Variants in TEC observed in about 807,000 individuals in gnomAD.
TEC encodes the protein tec protein tyrosine kinase, also known as tyrosine-protein kinase Tec.
TEC carries 72 observed loss-of-function variants against 93.0 expected under a neutral mutation model. The observed-to-expected ratio is 0.77, with a 90% confidence interval of 0.64 to 0.94. The LOEUF is 0.94. TEC is among the 40% of genes least tolerant of loss of function. TEC has a pLI of 0.00. For missense variants in TEC, 630 were observed against 757.9 expected (o/e 0.83, Z 1.98); for synonymous variants, 249 against 247.7 (o/e 1.01, Z -0.05).
chr4:48,164,549 T>A (rs1212465454), intron 7 of TEC, among the ~76,000 whole-genome samples: 1 of 124,110 alleles, frequency 8.1e-6, no homozygotes, highest in Non-Finnish European at 1.7e-5. Flanking sequence ...TAAGAACTCA[T>A]AATACACACA....
intron 2 of TEC, among the ~76,000 whole-genome samples, chr4:48,196,515 G>A (rs747656313): frequency 1.3e-5 from 2 of 152,202 alleles, no homozygotes; most frequent in Non-Finnish European, 2.9e-5. Context: ...AACAGTTTAA[G>A]TGCTTGATCA....
At chr4:48,261,918 C>G (rs1359499815) in intron 1 of TEC, among the ~76,000 whole-genome samples, 1 of 152,076 alleles carries the variant, frequency 6.6e-6, no homozygotes, top group Non-Finnish European at 1.5e-5. Context: ...CCTCCCTCCT[C>G]CAAAAGCCAT....
intron 1 of TEC, among the ~76,000 whole-genome samples, chr4:48,233,391 C>T (rs1229425411): frequency 1.3e-4 from 19 of 149,832 alleles, no homozygotes; most frequent in South Asian, 1.1e-3. Flanking sequence ...TTGCCCAGGC[C>T]GGACTCAAAT....
chr4:48,149,410 T>TC, intron 11 of TEC, 147 bp downstream of exon 11: 1 of 783,708 alleles, frequency 1.3e-6, no homozygotes. Flanking sequence ...TTTGTATATA[T>TC]CATTCCTTTA....
chr4:48,152,167 T>A lies in TEC; in HGVS notation c.793-1225A>T, dbSNP rs556612256. Among the ~76,000 whole-genome samples the A allele has an allele frequency of 7.2e-5, 11 of 152,274 alleles. No homozygotes were observed. In the South Asian group the frequency reaches 2.1e-3, roughly 29 times the overall value. ...GAGGCCGGACACAGCGGCTCATACC[T>A]GTAATCCCAGCACCTTGGGAGGCCG... On this transcript the variant is annotated intron_variant, in intron 9 of 17. Coordinates refer to ENST00000381501, the MANE Select transcript of TEC (RefSeq NM_003215.3).
chr4:48,151,082 ACCAGTAGGG>A lies in TEC; in HGVS notation c.793-149_793-141del, dbSNP rs1720145492. ...AAAATGCTTTGAAGAAGCACAACTT[ACCAGTAGGG>A]CCCCTTGGTTTCTCCCACCCACATG... On this transcript the variant is annotated intron_variant, in intron 9 of 17. Coordinates refer to ENST00000381501, the MANE Select transcript of TEC (RefSeq NM_003215.3). 2 of 525,810 alleles carry A rather than the reference ACCAGTAGGG, an allele frequency of 3.8e-6. 1 individual carries two copies. The highest frequency in any genetic ancestry group is 6.3e-5 in the East Asian group (2 of 31,962). The allele number at this position is 525,810 out of a possible 1,614,324, so 32.6% of individuals were successfully genotyped here. A position where few individuals can be genotyped will look rare whatever the true frequency, so the allele number is the denominator to read the frequency against.
chr4:48,169,224 G>A (rs1721003404), intron 5 of TEC, among the ~76,000 whole-genome samples: 1 of 152,028 alleles, frequency 6.6e-6, no homozygotes, highest in South Asian at 2.1e-4. Context: ...ACCACTGCAG[G>A]AATACCCCCA....
At chr4:48,174,192 C>A (rs1024142806) in intron 3 of TEC, among the ~76,000 whole-genome samples, 1 of 152,064 alleles carries the variant, frequency 6.6e-6, no homozygotes, top group African/African-American at 2.4e-5. Flanking sequence ...TTTAGTAGTT[C>A]AGGGATGGAA....
In TEC at chr4:48,149,578, A is replaced by G. The variant is rs1720069933; in HGVS notation, c.985T>C (p.Tyr329His). Residue 329 changes from tyrosine to histidine, a missense_variant, in exon 11 of 18, where the codon TAT (tyrosine) becomes CAT (histidine). Coordinates refer to ENST00000381501, the MANE Select transcript of TEC (RefSeq NM_003215.3). Reference protein sequence around the residue: ...AFGSIPEIIEYHKHNAAGLVT... With the variant: ...AFGSIPEIIEHHKHNAAGLVT... ...TTACCTGCTGCATTGTGCTTATGAT[A>G]TTCAATAATCTCAGGAATGGAGCCA... 6.2e-7 allele frequency: 1 copy of G among 1,610,672 alleles called. No homozygotes were observed. Among genetic ancestry groups the G allele is most frequent in the East Asian group, 2.2e-5 (1 of 44,640 alleles).
intron 9 of TEC, among the ~76,000 whole-genome samples, 179 bp from the exon 10 acceptor site, chr4:48,151,121 T>C (rs546417532): frequency 5.3e-5 from 8 of 152,304 alleles, no homozygotes; most frequent in African/African-American, 1.4e-4. Context: ...CACATGACTT[T>C]GTACTTCAAA....
At chr4:48,148,729 C>T (rs1241393197) in intron 11 of TEC, among the ~76,000 whole-genome samples, 2 of 152,112 alleles carry the variant, frequency 1.3e-5, no homozygotes, top group African/African-American at 4.8e-5. Context: ...TATGGGTAAA[C>T]TTGTGTCATG....
intron 11 of TEC, among the ~76,000 whole-genome samples, chr4:48,148,275 T>C (rs1382606643): frequency 1.3e-5 from 2 of 152,146 alleles, no homozygotes; most frequent in Non-Finnish European, 2.9e-5. Flanking sequence ...ACCATTATTA[T>C]TATCTGAAAA....
chr4:48,215,846 CAGAG>C (rs1312179900), intron 2 of TEC, among the ~76,000 whole-genome samples: 1 of 152,150 alleles, frequency 6.6e-6, no homozygotes, highest in Non-Finnish European at 1.5e-5. Context: ...GCAGTGCACT[CAGAG>C]AGCATGATCC....
chr4:48,251,577 T>C (rs1724202903), intron 1 of TEC, among the ~76,000 whole-genome samples: 1 of 152,218 alleles, frequency 6.6e-6, no homozygotes, highest in Non-Finnish European at 1.5e-5. Context: ...GAACCTGTTC[T>C]GTGCATTCAC....
intron 1 of TEC, among the ~76,000 whole-genome samples, chr4:48,243,489 T>C (rs142581140): frequency 5.3e-4 from 80 of 152,312 alleles, no homozygotes; most frequent in African/African-American, 1.8e-3. Flanking sequence ...GGAAAGCAAT[T>C]GGTCAGTTGG....
chr4:48,230,056 C>T (rs374789738), intron 1 of TEC, among the ~76,000 whole-genome samples: 2 of 149,458 alleles, frequency 1.3e-5, no homozygotes, highest in African/African-American at 2.5e-5. Flanking sequence ...GCCTGGGCAA[C>T]GAGAGCGAAA....
At chr4:48,249,288 AG>A (rs750243877) in intron 1 of TEC, among the ~76,000 whole-genome samples, 3 of 152,214 alleles carry the variant, frequency 2.0e-5, no homozygotes, top group Non-Finnish European at 2.9e-5. Flanking sequence ...TGAGCTAAAT[AG>A]GTTGCTATCT....
At position 48,146,369 on chromosome 4, in the gene TEC, C is replaced by T; in HGVS notation, c.1037G>A (p.Ser346Asn). 6.2e-7 allele frequency: 1 copy of T among 1,613,842 alleles called. No individual in the cohort carries two copies. Among genetic ancestry groups the T allele is most frequent in the South Asian group, 1.1e-5 (1 of 91,062 alleles). The change falls in exon 12 of 18, where the codon AGT (serine) becomes AAT (asparagine). Residue 346 changes from serine (S) to asparagine (N), a missense_variant. Physicochemically the swap from Ser to Asn is conservative, Grantham distance 46 (BLOSUM62 1). Around this residue, in one of 3 missense-constraint regions of TEC, gnomAD observed 289 missense variants for 390.0 expected, o/e 0.74. Coordinates refer to ENST00000381501, the MANE Select transcript of TEC (RefSeq NM_003215.3). ...GLVTRLRYPV[S>N]VKGKNAPTTA... The stretch of plus-strand genomic sequence containing the variant: ...GGTGGGTGCATTCTTCCCTTTCACA[C>T]TAACTGGGTACCGAAGCCTGGTGAC...
At chr4:48,148,098 G>T (rs573495507) in intron 11 of TEC, among the ~76,000 whole-genome samples, 1 of 152,074 alleles carries the variant, frequency 6.6e-6, no homozygotes, top group Non-Finnish European at 1.5e-5. Flanking sequence ...GAAGGGGGAT[G>T]GGATGACAAT....
Sources: gnomAD v4.1 joint callset for allele counts (sites outside exome capture counted in the v4.1 genomes callset) on GRCh38, gnomAD v4.1.1 for gene constraint, gnomAD v4.1.1 regional missense constraint, MANE v1.5 for transcripts, NCBI Gene and HGNC (gene_info 2026-07-23, HGNC 2026-07-21) for gene names.